CLRN3: variants seen among roughly 807,000 people sequenced by gnomAD.
The protein encoded by CLRN3 is clarin-3.
In CLRN3, 12 loss-of-function variants were observed where a neutral mutation model predicts 16.7. That is an observed-to-expected ratio of 0.72 (90% CI 0.46 to 1.16). The LOEUF (loss-of-function observed/expected upper bound fraction) is 1.16. CLRN3 is among the 50% of genes most tolerant of loss of function. The pLI is 0.00. For missense variants in CLRN3, 296 were observed against 274.2 expected (o/e 1.08, Z -0.56); for synonymous variants, 118 against 113.0 (o/e 1.04, Z -0.28).
intron 2 of CLRN3, among the ~76,000 whole-genome samples, chr10:127,882,576 T>A (rs992342993): frequency 1.3e-5 from 2 of 152,194 alleles, no homozygotes; most frequent in African/African-American, 4.8e-5. Context: ...TTCATATTCC[T>A]CAGCACACCT....
intron 1 of CLRN3, among the ~76,000 whole-genome samples, chr10:127,888,535 G>A (rs760547692): frequency 2.0e-5 from 3 of 152,286 alleles, no homozygotes; most frequent in South Asian, 4.1e-4. Flanking sequence ...TCTGCAGAAG[G>A]TCTATTTTTC....
At chr10:127,880,940 C>A (rs543098299) in intron 2 of CLRN3, among the ~76,000 whole-genome samples, 5 of 152,190 alleles carry the variant, frequency 3.3e-5, no homozygotes, top group Non-Finnish European at 1.5e-5. Flanking sequence ...CTTCTGCAGG[C>A]TGAGCCTCCT....
chr10:127,888,252 G>C (rs1289935913), intron 1 of CLRN3, among the ~76,000 whole-genome samples: 1 of 152,162 alleles, frequency 6.6e-6, no homozygotes, highest in Non-Finnish European at 1.5e-5. Context: ...AGTGTGGCCT[G>C]GTAGCTCTCC....
At chr10:127,888,445 T>A (rs1169613266) in intron 1 of CLRN3, among the ~76,000 whole-genome samples, 1 of 152,156 alleles carries the variant, frequency 6.6e-6, no homozygotes, top group Non-Finnish European at 1.5e-5. Flanking sequence ...GTGGACAGGG[T>A]AGGAGTAGTA....
intron 1 of CLRN3, 83 bp from the exon 2 acceptor site, chr10:127,883,958 G>GTGACTTGAGTTA (rs1278309000): frequency 1.1e-5 from 14 of 1,290,372 alleles, no homozygotes; most frequent in Non-Finnish European, 1.6e-5. Context: ...TACCCTCTTA[G>GTGACTTGAGTTA]TGACTTGAGT....
At position 127,892,630 on chromosome 10, in the gene CLRN3, G is replaced by T. The variant is rs1395398964; in HGVS notation, c.155C>A (p.Thr52Asn). The T allele has an allele frequency of 6.2e-7, 1 of 1,613,246 alleles. No homozygotes were observed. Among genetic ancestry groups the T allele is most frequent in the Admixed American group, 1.7e-5 (1 of 60,028 alleles). Residue 52 changes from threonine (T) to asparagine (N), a missense_variant, in exon 1 of 3, where the codon ACT (threonine) becomes AAT (asparagine). Transcript: ENST00000368671. The part of the protein sequence containing the change: ...DSASNGSIFI[T>N]YGLFRGESSE... ...ACTCTCCCCACGAAAAAGTCCGTAAGTGATGAAAATGCTCCCATTTGAAGC... is the reference window on the plus strand; with the variant it reads ...ACTCTCCCCACGAAAAAGTCCGTAATTGATGAAAATGCTCCCATTTGAAGC...
At chr10:127,880,805 C>A (rs553620862) in intron 2 of CLRN3, among the ~76,000 whole-genome samples, 1 of 152,156 alleles carries the variant, frequency 6.6e-6, no homozygotes, top group South Asian at 2.1e-4. Flanking sequence ...AGAGGTAGTT[C>A]AAAACCAGCC....
intron 1 of CLRN3, among the ~76,000 whole-genome samples, chr10:127,889,879 T>C (rs565171928): frequency 2.9e-4 from 44 of 152,316 alleles, no homozygotes; most frequent in Middle Eastern, 3.4e-3. Flanking sequence ...TCTTTTTACA[T>C]GGCACCCAAG....
intron 2 of CLRN3, among the ~76,000 whole-genome samples, chr10:127,879,572 A>AT (rs1490986505): frequency 6.6e-6 from 1 of 151,924 alleles, no homozygotes; most frequent in Non-Finnish European, 1.5e-5. Context: ...AGACAAAAAA[A>AT]AAAATGTAGA....
intron 2 of CLRN3, among the ~76,000 whole-genome samples, chr10:127,881,255 C>T (rs538214739): frequency 2.6e-5 from 4 of 152,348 alleles, no homozygotes; most frequent in Non-Finnish European, 5.9e-5. Context: ...CCCTCTCCGT[C>T]CAACAATTCT....
At chr10:127,883,952 C>G (rs1309130569) in intron 1 of CLRN3, 77 bp from the exon 2 acceptor site, 1 of 1,339,806 alleles carries the variant, frequency 7.5e-7, no homozygotes, top group Non-Finnish European at 1.1e-6. Flanking sequence ...CCACCCTACC[C>G]TCTTAGTGAC....
intron 2 of CLRN3, among the ~76,000 whole-genome samples, chr10:127,880,596 A>G (rs1845117569): frequency 6.6e-6 from 1 of 152,182 alleles, no homozygotes; most frequent in Non-Finnish European, 1.5e-5. Flanking sequence ...AGCTTCTCTC[A>G]GGGGACAATT....
At chr10:127,892,235 A>T (rs111322273) in intron 1 of CLRN3, among the ~76,000 whole-genome samples, 2,882 of 152,316 alleles carry the variant, frequency 0.019, 46 homozygotes, top group Middle Eastern at 0.041. Flanking sequence ...CAGTTAAAAC[A>T]TGTGTTCCTA....
At chr10:127,888,356 C>T (rs1368909902) in intron 1 of CLRN3, among the ~76,000 whole-genome samples, 3 of 152,166 alleles carry the variant, frequency 2.0e-5, no homozygotes, top group South Asian at 2.1e-4. Context: ...CCTCTTTGTC[C>T]TCTCTACTCT....
intron 1 of CLRN3, among the ~76,000 whole-genome samples, chr10:127,887,164 A>G (rs1376261689): frequency 6.6e-6 from 1 of 152,216 alleles, no homozygotes; most frequent in African/African-American, 2.4e-5. Context: ...AGAGAAGGAA[A>G]AAATCTACAG....
intron 2 of CLRN3, among the ~76,000 whole-genome samples, chr10:127,882,653 A>G (rs1845142478): frequency 6.6e-6 from 1 of 152,090 alleles, no homozygotes; most frequent in African/African-American, 2.4e-5. Flanking sequence ...TAAGGATGAC[A>G]CTCAATGGAG....
rs11817046 is a variant in CLRN3 at position 127,882,478 on chromosome 10, T to G, written c.409+1218A>C. On this transcript the variant is annotated intron_variant, in intron 2 of 2. Transcript: ENST00000368671. ...ACGTCAGTGATCTCACATTGGGAGT[T>G]TGAAAATGGCCATGTGGCTGTGTTT... Among the ~76,000 whole-genome samples, 375 of 152,364 alleles carry G rather than the reference T, an allele frequency of 2.5e-3. 2 individuals are homozygous for G. Among genetic ancestry groups the G allele is most frequent in the African/African-American group, 8.5e-3 (354 of 41,582 alleles).
At chr10:127,890,419 T>G (rs1845245682) in intron 1 of CLRN3, among the ~76,000 whole-genome samples, 1 of 152,226 alleles carries the variant, frequency 6.6e-6, no homozygotes, top group Admixed American at 6.5e-5. Context: ...TTTGGCACTT[T>G]GAAATCAGCT....
At chr10:127,882,122 C>T (rs1845134982) in intron 2 of CLRN3, among the ~76,000 whole-genome samples, 1 of 152,200 alleles carries the variant, frequency 6.6e-6, no homozygotes, top group Non-Finnish European at 1.5e-5. Flanking sequence ...GTAACAAAGT[C>T]CCTTAACCTC....
Sources: gnomAD v4.1 joint callset for allele counts (sites outside exome capture counted in the v4.1 genomes callset) on GRCh38, gnomAD v4.1.1 for gene constraint, MANE v1.5 for transcripts, NCBI Gene and HGNC (gene_info 2026-07-23, HGNC 2026-07-21) for gene names.